Variants in ORAI2 observed in about 807,000 individuals in gnomAD.
ORAI2 encodes ORAI calcium release-activated calcium modulator 2, also known as protein orai-2.
A neutral mutation model predicts 16.2 loss-of-function variants in ORAI2; 10 were observed. The ratio of observed to expected loss-of-function variants is 0.62; its 90% CI spans 0.38 to 1.04. ORAI2 has a LOEUF of 1.04. Ranked by LOEUF, ORAI2 falls within the 50% of genes least tolerant of loss-of-function variation. The pLI is 0.01. For missense variants in ORAI2, 238 were observed against 355.5 expected (o/e 0.67, Z 2.66); for synonymous variants, 150 against 157.5 (o/e 0.95, Z 0.35).
chr7:102,441,807 G>T (rs1286028272), intron 3 of ORAI2, among the ~76,000 whole-genome samples: 2 of 152,052 alleles, frequency 1.3e-5, no homozygotes, highest in Non-Finnish European at 2.9e-5. Flanking sequence ...GGGAGCCGCA[G>T]TGCACCTGCT....
At chr7:102,437,982 G>A (rs1483474810) in intron 2 of ORAI2, among the ~76,000 whole-genome samples, 1 of 152,130 alleles carries the variant, frequency 6.6e-6, no homozygotes, top group Non-Finnish European at 1.5e-5. Flanking sequence ...CTAAGAGTTC[G>A]AGGCTGCAGT....
chr7:102,443,724 T>A (rs1340222668), intron 3 of ORAI2, among the ~76,000 whole-genome samples: 1 of 151,966 alleles, frequency 6.6e-6, no homozygotes, highest in East Asian at 1.9e-4. Flanking sequence ...TTTTCTTTTT[T>A]GAGATGTAGT....
chr7:102,438,815 C>G (rs1797122849), intron 2 of ORAI2, 129 bp from the exon 3 acceptor site: 1 of 803,986 alleles, frequency 1.2e-6, no homozygotes, highest in Non-Finnish European at 2.1e-6. Flanking sequence ...GTCCTGGGCA[C>G]TTTCTAAACC....
In ORAI2 at chr7:102,447,098, G is replaced by A. The variant is rs557323460; in HGVS notation, c.*46G>A. 183 of 1,467,352 alleles carry A rather than the reference G, an allele frequency of 1.2e-4. No individual in the cohort carries two copies. Among genetic ancestry groups the A allele is most frequent in the Non-Finnish European group, 1.2e-4 (129 of 1,115,096 alleles). The allele number at this position is 1,467,352 out of a possible 1,614,324, so 90.9% of individuals were successfully genotyped here. ...GGAGCGGCCCTGTGCCCGGGAGTCCGCAGAGGCGGGGATTTGTCAGATGCA... is the reference window on the plus strand; with the variant it reads ...GGAGCGGCCCTGTGCCCGGGAGTCCACAGAGGCGGGGATTTGTCAGATGCA... On this transcript the variant is annotated 3_prime_UTR_variant, in exon 4 of 4. Coordinates refer to ENST00000495936, the MANE Select transcript of ORAI2 (RefSeq NM_001126340.3).
chr7:102,446,011 A>C (rs1797351742), intron 3 of ORAI2, among the ~76,000 whole-genome samples: 1 of 151,156 alleles, frequency 6.6e-6, no homozygotes, highest in Non-Finnish European at 1.5e-5. Context: ...TGCAGTGGTG[A>C]AATCTTGCCT....
chr7:102,437,601 C>T (rs777202835), intron 2 of ORAI2, among the ~76,000 whole-genome samples: 1 of 151,918 alleles, frequency 6.6e-6, no homozygotes, highest in Non-Finnish European at 1.5e-5. Flanking sequence ...GGTGACAGAG[C>T]GAGACTCTGT....
chr7:102,438,416 G>A (rs892023918), intron 2 of ORAI2, among the ~76,000 whole-genome samples: 4 of 152,210 alleles, frequency 2.6e-5, no homozygotes. Context: ...GAAAGAGCCA[G>A]GTCAGAAAGG....
intron 3 of ORAI2, among the ~76,000 whole-genome samples, chr7:102,442,455 G>A (rs902954570): frequency 2.6e-5 from 4 of 152,166 alleles, no homozygotes; most frequent in East Asian, 1.9e-4. Flanking sequence ...TTGGGAGGCC[G>A]AGGCGGGCAG....
rs1212354835 is a variant in ORAI2 at position 102,448,524 on chromosome 7, A to G, written c.*1472A>G. The G allele has an allele frequency of 2.6e-5, 4 of 152,200 alleles. No homozygotes were observed. The highest frequency in any genetic ancestry group is 5.9e-5 in the Non-Finnish European group (4 of 68,076). The allele number at this position is 152,200 out of a possible 1,614,324, so 9.4% of individuals were successfully genotyped here. ...GGAGTTCGAGACCAGCCTGGCCAAC[A>G]TGGTGAAACCCTGTCTCTACTAAAA... On this transcript the variant is annotated 3_prime_UTR_variant, in exon 4 of 4. Coordinates refer to ENST00000495936, the MANE Select transcript of ORAI2 (RefSeq NM_001126340.3).
rs937785631 is a variant in ORAI2 at position 102,454,867 on chromosome 7, C to T, written c.*7815C>T. The T allele has an allele frequency of 1.3e-5, 2 of 152,330 alleles. No individual in the cohort carries two copies. The highest frequency in any genetic ancestry group is 4.8e-5 in the African/African-American group (2 of 41,454). 9.4% of individuals were successfully genotyped at this position (152,330 alleles called of 1,614,324 possible). A position where few individuals can be genotyped will look rare whatever the true frequency, so the allele number is the denominator to read the frequency against. ...ACCCTGCAGGCGGTGGCTCCTGGGG[C>T]CCAGCCCTGCAGAAACACATGGGGC... On this transcript the variant is annotated 3_prime_UTR_variant, in exon 4 of 4. Coordinates refer to ENST00000495936, the MANE Select transcript of ORAI2 (RefSeq NM_001126340.3).
In ORAI2 at chr7:102,453,572, C is replaced by G. The variant is rs775256582; in HGVS notation, c.*6520C>G. 1.3e-5 allele frequency: 2 copies of G among 152,196 alleles called. No individual in the cohort carries two copies. The highest frequency in any genetic ancestry group is 2.9e-5 in the Non-Finnish European group (2 of 68,064). The allele number at this position is 152,196 out of a possible 1,614,324, so 9.4% of individuals were successfully genotyped here. A position where few individuals can be genotyped will look rare whatever the true frequency, so the allele number is the denominator to read the frequency against. On this transcript the variant is annotated 3_prime_UTR_variant, in exon 4 of 4. Transcript: ENST00000495936. ...TTGGGCTGGGCAGTGGCCTCAGTACCGAGCCCCAGGCCAGCAAGCCCACAA... is the reference window on the plus strand; with the variant it reads ...TTGGGCTGGGCAGTGGCCTCAGTACGGAGCCCCAGGCCAGCAAGCCCACAA...
intron 2 of ORAI2, 86 bp from the exon 3 acceptor site, chr7:102,438,858 C>T: frequency 7.7e-7 from 1 of 1,293,276 alleles, no homozygotes; most frequent in Non-Finnish European, 1.1e-6. Flanking sequence ...ATATGGCAGC[C>T]TCTGTAGGTT....
chr7:102,438,860 CTG>C (rs1310652735), intron 2 of ORAI2, 82 bp from the exon 3 acceptor site: 2 of 1,324,396 alleles, frequency 1.5e-6, no homozygotes, highest in African/African-American at 2.9e-5. Flanking sequence ...ATGGCAGCCT[CTG>C]TAGGTTGAAT....
In ORAI2 at chr7:102,447,265, C is replaced by T. The variant is rs1245977436; in HGVS notation, c.*213C>T. The T allele has an allele frequency of 3.3e-6, 2 of 612,444 alleles. No homozygotes were observed. Among genetic ancestry groups the T allele is most frequent in the African/African-American group, 1.9e-5 (1 of 53,818 alleles). 37.9% of individuals were successfully genotyped at this position (612,444 alleles called of 1,614,324 possible). On this transcript the variant is annotated 3_prime_UTR_variant, in exon 4 of 4. Transcript: ENST00000495936. The stretch of plus-strand genomic sequence containing the variant: ...TTGCTAAGAGCGTTGGGGGCAAAGC[C>T]AGGCTGGTTCCTTGGCCTCGGGGTT...
At chr7:102,438,880 G>A in intron 2 of ORAI2, 64 bp from the exon 3 acceptor site, 1 of 1,502,428 alleles carries the variant, frequency 6.7e-7, no homozygotes, top group Middle Eastern at 1.7e-4. Context: ...AATGGGCTTG[G>A]AGTCTAGCTC....
chr7:102,439,778 A>G (rs1192888540), intron 3 of ORAI2, among the ~76,000 whole-genome samples: 1 of 151,650 alleles, frequency 6.6e-6, no homozygotes, highest in Non-Finnish European at 1.5e-5. Context: ...AAGAAAAAAT[A>G]AAATTTATTT....
In ORAI2 at chr7:102,451,946, G is replaced by C. The variant is rs973508317; in HGVS notation, c.*4894G>C. 1.3e-5 allele frequency: 2 copies of C among 152,406 alleles called. No individual in the cohort carries two copies. Among genetic ancestry groups the C allele is most frequent in the South Asian group, 4.1e-4 (2 of 4,832 alleles). 9.4% of individuals were successfully genotyped at this position (152,406 alleles called of 1,614,324 possible). ...AACAAAAGAAGGGGCAGCCCCAGAG[G>C]GTGGCTGAGCGACAACAGAGCCCAC... On this transcript the variant is annotated 3_prime_UTR_variant, in exon 4 of 4. Coordinates refer to ENST00000495936, the MANE Select transcript of ORAI2 (RefSeq NM_001126340.3).
intron 3 of ORAI2, among the ~76,000 whole-genome samples, chr7:102,445,916 TCTTTCTTTC>T (rs1797347644): frequency 6.6e-6 from 1 of 151,598 alleles, no homozygotes; most frequent in Non-Finnish European, 1.5e-5. Flanking sequence ...TCTCTCTCTT[TCTTTCTTTC>T]CTTTCTTTTC....
In ORAI2 at chr7:102,447,144, G is replaced by C. The variant is rs181226898; in HGVS notation, c.*92G>C. Reference sequence around the variant, plus strand: ...ATGCAGACATTTTGCAAGGCTGCCGGGTAGTTCAAGACCAAAGTTTTCCTC... The same window carrying C: ...ATGCAGACATTTTGCAAGGCTGCCGCGTAGTTCAAGACCAAAGTTTTCCTC... On this transcript the variant is annotated 3_prime_UTR_variant, in exon 4 of 4. Transcript: ENST00000495936. 2 of 1,364,168 alleles carry C rather than the reference G, an allele frequency of 1.5e-6. No individual in the cohort carries two copies. Among genetic ancestry groups the C allele is most frequent in the Admixed American group, 5.6e-5 (2 of 35,546 alleles). The allele number at this position is 1,364,168 out of a possible 1,614,324, so 84.5% of individuals were successfully genotyped here.
Sources: gnomAD v4.1 joint callset for allele counts (sites outside exome capture counted in the v4.1 genomes callset) on GRCh38, gnomAD v4.1.1 for gene constraint, MANE v1.5 for transcripts, NCBI Gene and HGNC (gene_info 2026-07-23, HGNC 2026-07-21) for gene names.